FBXL4: variants seen among roughly 807,000 people sequenced by gnomAD.
The protein encoded by FBXL4 is F-box and leucine rich repeat protein 4, also known as F-box/LRR-repeat protein 4.
FBXL4 carries 40 observed loss-of-function variants against 58.9 expected under a neutral mutation model. The ratio of observed to expected loss-of-function variants is 0.68; its 90% CI spans 0.53 to 0.88. The LOEUF (loss-of-function observed/expected upper bound fraction) is 0.88. Among genes scored for constraint, FBXL4 ranks in the 40% least tolerant of loss-of-function variants. FBXL4 has a pLI of 0.00. For synonymous variants in FBXL4, 263 were observed against 265.5 expected (o/e 0.99, Z 0.09); for missense variants, 676 against 734.4 (o/e 0.92, Z 0.92).
chr6:98,875,891 G>A (rs1770645574), intron 8 of FBXL4, among the ~76,000 whole-genome samples, 164 bp from the exon 9 acceptor site: 2 of 152,112 alleles, frequency 1.3e-5, no homozygotes, highest in South Asian at 4.1e-4. Flanking sequence ...ATCTGCCACT[G>A]TTTCATAAAA....
chr6:98,939,737 G>A (rs1325356947), intron 1 of FBXL4, among the ~76,000 whole-genome samples: 1 of 152,180 alleles, frequency 6.6e-6, no homozygotes, highest in Non-Finnish European at 1.5e-5. Context: ...CATTACCAGT[G>A]GCACTTTCTA....
At chr6:98,880,390 T>C (rs1455359614) in intron 8 of FBXL4, among the ~76,000 whole-genome samples, 163 bp downstream of exon 8, 4 of 152,278 alleles carry the variant, frequency 2.6e-5, no homozygotes, top group African/African-American at 9.6e-5. Flanking sequence ...AGACATACTT[T>C]CCAATTTAAG....
In FBXL4 at chr6:98,873,693, C is replaced by T. The variant is rs923179137; in HGVS notation, c.*585G>A. ...TCTCAAAATCCCATCTCAAGTAATC[C>T]TCCTGCCTCCACCTCCTGTGTCGCT... On this transcript the variant is annotated 3_prime_UTR_variant, in exon 10 of 10. Coordinates refer to ENST00000369244, the MANE Select transcript of FBXL4 (RefSeq NM_001278716.2). 3.9e-5 allele frequency: 6 copies of T among 152,140 alleles called. No homozygotes were observed. Among genetic ancestry groups the T allele is most frequent in the African/African-American group, 1.5e-4 (6 of 41,378 alleles). The allele number at this position is 152,140 out of a possible 1,614,324, so 9.4% of individuals were successfully genotyped here.
At chr6:98,882,803 A>G (rs1011472968) in intron 7 of FBXL4, among the ~76,000 whole-genome samples, 3 of 152,098 alleles carry the variant, frequency 2.0e-5, no homozygotes, top group African/African-American at 4.8e-5. Context: ...TAGAAATTGT[A>G]TAATATTCCA....
intron 8 of FBXL4, among the ~76,000 whole-genome samples, chr6:98,878,188 A>G (rs1053128242): frequency 6.6e-6 from 1 of 152,256 alleles, no homozygotes; most frequent in Non-Finnish European, 1.5e-5. Context: ...CTATGTATGT[A>G]TACTGTGAAC....
chr6:98,915,931 G>C (rs1772325407), intron 5 of FBXL4, among the ~76,000 whole-genome samples: 1 of 151,812 alleles, frequency 6.6e-6, no homozygotes, highest in African/African-American at 2.4e-5. Context: ...TCTGACTAAG[G>C]GCTAATATCC....
chr6:98,944,515 T>C (rs1327803411), intron 1 of FBXL4, among the ~76,000 whole-genome samples: 1 of 152,216 alleles, frequency 6.6e-6, no homozygotes, highest in Non-Finnish European at 1.5e-5. Flanking sequence ...GCATTTTTCA[T>C]CCATAAAATT....
chr6:98,879,215 G>A (rs777530969), intron 8 of FBXL4, among the ~76,000 whole-genome samples: 3 of 152,156 alleles, frequency 2.0e-5, no homozygotes, highest in Non-Finnish European at 4.4e-5. Context: ...AAAATGTAAG[G>A]TTACTTAAAG....
Position 98,923,690 on chromosome 6 carries a change from A to C in FBXL4, c.512+2787T>G, listed in dbSNP as rs539635211. Among the ~76,000 whole-genome samples, 7 of 152,306 alleles carry C rather than the reference A, an allele frequency of 4.6e-5. No homozygotes were observed. The East Asian group carries it at 1.4e-3, about 29-fold the overall frequency. ...TTCTAGGCTGGCCTGTAAGCTCAAA[A>C]AAGAGCCATCTCTGTCTGACTCTCT... On this transcript the variant is annotated intron_variant, in intron 4 of 9. Transcript: ENST00000369244.
intron 4 of FBXL4, among the ~76,000 whole-genome samples, chr6:98,919,637 AG>A (rs992906394): frequency 6.6e-6 from 1 of 152,160 alleles, no homozygotes; most frequent in African/African-American, 2.4e-5. Context: ...GCTAAAATCA[AG>A]GGTTCCTAAC....
intron 2 of FBXL4, among the ~76,000 whole-genome samples, chr6:98,932,830 CACAGGCATACAT>C (rs1407834989): frequency 6.7e-6 from 1 of 149,024 alleles, no homozygotes; most frequent in Admixed American, 6.7e-5. Flanking sequence ...GGCAATAAGG[CACAGGCATACAT>C]ACAAGGCAAA....
chr6:98,882,735 G>A (rs117035652), intron 7 of FBXL4, among the ~76,000 whole-genome samples: 780 of 152,002 alleles, frequency 5.1e-3, no homozygotes, highest in Non-Finnish European at 8.7e-3. Flanking sequence ...AAACATGCTT[G>A]AAAATATACA....
Position 98,875,560 on chromosome 6 carries a change from C to G in FBXL4, c.1557G>C (p.Gln519His). ...GTCTGGTGAAGCACCCGGTGCTGCT[C>G]TGCAGAGTTGGGCACCAGCCAAGGT... ...ELDLGWCPTL[Q>H]SSTGCFTRLA... The change falls in exon 9 of 10, where the codon CAG becomes CAC. Residue 519 changes from glutamine (Q) to histidine (H), a missense_variant. Transcript: ENST00000369244. 6.2e-7 allele frequency: 1 copy of G among 1,614,138 alleles called. No homozygotes were observed. Among genetic ancestry groups the G allele is most frequent in the Non-Finnish European group, 8.5e-7 (1 of 1,180,004 alleles).
intron 5 of FBXL4, among the ~76,000 whole-genome samples, chr6:98,909,524 T>C (rs911878546): frequency 1.3e-5 from 2 of 152,224 alleles, no homozygotes; most frequent in African/African-American, 2.4e-5. Context: ...TCAAATTCTA[T>C]GGGTCAAGCA....
rs183008835 is a variant in FBXL4 at position 98,911,000 on chromosome 6, T to C, written c.859-5330A>G. Among the ~76,000 whole-genome samples, 63 of 152,280 alleles carry C rather than the reference T, an allele frequency of 4.1e-4. 1 individual carries two copies. The highest frequency in any genetic ancestry group is 1.5e-3 in the African/African-American group (61 of 41,570). On this transcript the variant is annotated intron_variant, in intron 5 of 9. Transcript: ENST00000369244. ...AAATACTGCGCTTTTCCGAAGGCCT[T>C]AGGAAACGGCGCACCAGGAGATTAT...
At chr6:98,924,147 G>T (rs1222653159) in intron 4 of FBXL4, among the ~76,000 whole-genome samples, 1 of 152,148 alleles carries the variant, frequency 6.6e-6, no homozygotes, top group Non-Finnish European at 1.5e-5. Flanking sequence ...TTTTAGACTG[G>T]AGAAAACACA....
At chr6:98,931,277 T>C (rs558273571) in intron 2 of FBXL4, among the ~76,000 whole-genome samples, 3 of 152,374 alleles carry the variant, frequency 2.0e-5, no homozygotes, top group Admixed American at 6.5e-5. Context: ...TTTACCATTG[T>C]AGATTATAAG....
chr6:98,896,017 T>C (rs558303025), intron 7 of FBXL4, among the ~76,000 whole-genome samples: 1 of 152,268 alleles, frequency 6.6e-6, no homozygotes, highest in East Asian at 1.9e-4. Flanking sequence ...CCAGATAATT[T>C]GTAGCCCTTT....
At chr6:98,892,672 T>C (rs1771271211) in intron 7 of FBXL4, among the ~76,000 whole-genome samples, 1 of 152,216 alleles carries the variant, frequency 6.6e-6, no homozygotes, top group South Asian at 2.1e-4. Flanking sequence ...TTTACTTATA[T>C]ATATGCTCTG....
Sources: gnomAD v4.1 joint callset for allele counts (sites outside exome capture counted in the v4.1 genomes callset) on GRCh38, gnomAD v4.1.1 for gene constraint, MANE v1.5 for transcripts, NCBI Gene and HGNC (gene_info 2026-07-23, HGNC 2026-07-21) for gene names.